ZDHHC18: variants seen among roughly 807,000 people sequenced by gnomAD.
The protein encoded by ZDHHC18 is zDHHC palmitoyltransferase 18, also known as palmitoyltransferase ZDHHC18.
ZDHHC18 carries 23 observed loss-of-function variants against 37.5 expected under a neutral mutation model. The observed-to-expected ratio is 0.61, with a 90% CI of 0.44 to 0.87. The LOEUF (loss-of-function observed/expected upper bound fraction) is 0.87. Ranked by LOEUF, ZDHHC18 falls within the 40% of genes least tolerant of loss-of-function variation. The pLI is 0.00. For missense variants in ZDHHC18, 406 were observed against 525.6 expected (o/e 0.77, Z 2.22); for synonymous variants, 185 against 218.7 (o/e 0.85, Z 1.36).
chr1:26,830,955 C>T (rs1186129037), intron 1 of ZDHHC18, among the ~76,000 whole-genome samples: 2 of 152,084 alleles, frequency 1.3e-5, no homozygotes, highest in African/African-American at 2.4e-5. Context: ...GCTAATTTTT[C>T]TGTTTTTATT....
At position 26,826,838 on chromosome 1, in the gene ZDHHC18, G is replaced by A; in HGVS notation, c.34G>A (p.Gly12Arg). 4 of 980,518 alleles carry A rather than the reference G, an allele frequency of 4.1e-6. No homozygotes were observed. The highest frequency in any genetic ancestry group is 4.8e-6 in the Non-Finnish European group (4 of 827,966). 60.7% of individuals were successfully genotyped at this position (980,518 alleles called of 1,614,324 possible). A position where few individuals can be genotyped will look rare whatever the true frequency, so the allele number is the denominator to read the frequency against. Residue 12 changes from glycine to arginine, a missense_variant, in exon 1 of 8, where the codon GGG becomes AGG. By Grantham distance (125) the Gly-to-Arg change is moderately radical. Coordinates refer to ENST00000374142, the MANE Select transcript of ZDHHC18 (RefSeq NM_032283.3). The surrounding 1 kb of genome is among the most constrained non-coding windows in gnomAD (Gnocchi z 5.2). ...KDCEYQQISPGAAPLPASPGA... is the reference protein window; with the variant it reads ...KDCEYQQISPRAAPLPASPGA... ...CTGCGAGTACCAGCAGATCAGCCCC[G>A]GGGCCGCCCCGCTGCCCGCCTCCCC...
At chr1:26,834,465 C>A (rs2081602407) in intron 2 of ZDHHC18, among the ~76,000 whole-genome samples, 1 of 152,176 alleles carries the variant, frequency 6.6e-6, no homozygotes, top group Admixed American at 6.5e-5. Context: ...AGGGACACAT[C>A]TCCTTCATCC....
At chr1:26,827,408 C>T (rs2081563535) in intron 1 of ZDHHC18, among the ~76,000 whole-genome samples, 1 of 151,840 alleles carries the variant, frequency 6.6e-6, no homozygotes, top group East Asian at 2.0e-4. Flanking sequence ...TCCCTGACCC[C>T]ACCCTGGCAC....
In ZDHHC18 at chr1:26,853,917, A is replaced by G; in HGVS notation, c.*74A>G. The stretch of plus-strand genomic sequence containing the variant: ...CACCTGCCGGGACCCTCCCTATTCC[A>G]TCCAAGGGAAGCAGAACTGCCAAAG... On this transcript the variant is annotated 3_prime_UTR_variant, in exon 8 of 8. Transcript: ENST00000374142. The G allele has an allele frequency of 7.6e-7, 1 of 1,309,248 alleles. No individual in the cohort carries two copies. 81.1% of individuals were successfully genotyped at this position (1,309,248 alleles called of 1,614,324 possible). A position where few individuals can be genotyped will look rare whatever the true frequency, so the allele number is the denominator to read the frequency against.
At chr1:26,842,887 G>T (rs1467593369) in intron 2 of ZDHHC18, among the ~76,000 whole-genome samples, 1 of 152,228 alleles carries the variant, frequency 6.6e-6, no homozygotes, top group Non-Finnish European at 1.5e-5. Flanking sequence ...ACATTATCTG[G>T]CAAACAATGC....
At chr1:26,846,116 A>C (rs2081662411) in intron 2 of ZDHHC18, among the ~76,000 whole-genome samples, 1 of 134,394 alleles carries the variant, frequency 7.4e-6, no homozygotes, top group South Asian at 2.3e-4. Flanking sequence ...GTGTGTGTAT[A>C]TATATATGTG....
chr1:26,836,560 T>C (rs200670711), intron 2 of ZDHHC18, among the ~76,000 whole-genome samples: 10,734 of 151,072 alleles, frequency 0.071, 405 homozygotes, highest in Non-Finnish European at 0.087. Flanking sequence ...ATTTCTTTTT[T>C]TTTCTTTTTT....
chr1:26,841,397 G>A (rs751607237), intron 2 of ZDHHC18, among the ~76,000 whole-genome samples: 17 of 152,236 alleles, frequency 1.1e-4, no homozygotes, highest in Non-Finnish European at 2.2e-4. Flanking sequence ...GCCTCCCAAC[G>A]TGCTGGGATT....
rs1454858820 is a variant in ZDHHC18, at chr1:26,853,760, A to G, written c.1084A>G (p.Thr362Ala). ...CCGGAGGGGATTTGTGCAGTCCGAC[A>G]CCGTGTTGCCCTCACCCATCAGAAG... ...IDRRGFVQSD[T>A]VLPSPIRSDE... The change falls in exon 8 of 8, where the codon ACC becomes GCC. Residue 362 changes from threonine to alanine, a missense_variant. Coordinates refer to ENST00000374142, the MANE Select transcript of ZDHHC18 (RefSeq NM_032283.3). 3 of 1,613,996 alleles carry G rather than the reference A, an allele frequency of 1.9e-6. No individual in the cohort carries two copies. Among genetic ancestry groups the G allele is most frequent in the Middle Eastern group, 3.3e-4 (2 of 6,062 alleles).
At chr1:26,846,383 G>A (rs1271913964) in intron 2 of ZDHHC18, among the ~76,000 whole-genome samples, 1 of 127,920 alleles carries the variant, frequency 7.8e-6, no homozygotes. Context: ...CTGGAGTGCA[G>A]TGGCCCAATC....
intron 3 of ZDHHC18, among the ~76,000 whole-genome samples, chr1:26,849,215 G>A (rs981843448): frequency 1.3e-5 from 2 of 152,230 alleles, no homozygotes; most frequent in African/African-American, 2.4e-5. Flanking sequence ...CAACAGAGGC[G>A]TTTAAGCTGA....
At chr1:26,829,848 C>A (rs2081579617) in intron 1 of ZDHHC18, among the ~76,000 whole-genome samples, 2 of 152,316 alleles carry the variant, frequency 1.3e-5, no homozygotes, top group Middle Eastern at 3.4e-3. Context: ...AGCTGTTAGC[C>A]TCTGGCAAAT....
intron 2 of ZDHHC18, among the ~76,000 whole-genome samples, chr1:26,839,644 G>C (rs533919590): frequency 2.6e-5 from 4 of 152,226 alleles, no homozygotes; most frequent in Non-Finnish European, 5.9e-5. Flanking sequence ...CCCTTGCCTA[G>C]CCCAGAGCAG....
chr1:26,831,519 A>T (rs935792927), intron 1 of ZDHHC18, among the ~76,000 whole-genome samples: 5 of 152,292 alleles, frequency 3.3e-5, no homozygotes, highest in African/African-American at 9.6e-5. Context: ...GTGGACAGTG[A>T]GGTGACAACA....
intron 3 of ZDHHC18, 118 bp downstream of exon 3, chr1:26,848,875 C>CA: frequency 7.1e-7 from 1 of 1,414,550 alleles, no homozygotes; most frequent in Admixed American, 2.1e-5. Context: ...CAGGGCTGGG[C>CA]AGGGGGTCTG....
rs892811137 is a variant in ZDHHC18, at chr1:26,850,111, G to A, written c.647-190G>A. ...GTTCCAGTTAACCAGGTAAAGAGAC[G>A]AGAGAATGTATCAGGCAGTGGGAAC... On this transcript the variant is annotated intron_variant, in intron 3 of 7. Transcript: ENST00000374142. This position sits in a 1 kb window ranked among gnomAD's most constrained non-coding sequence, Gnocchi z 6.1. Among the ~76,000 whole-genome samples, 4 of 152,194 alleles carry A rather than the reference G, an allele frequency of 2.6e-5. No homozygotes were observed. Among genetic ancestry groups the A allele is most frequent in the African/African-American group, 7.2e-5 (3 of 41,438 alleles).
rs567452547 is a variant in ZDHHC18, at chr1:26,854,295, T to C, written c.*452T>C. The C allele has an allele frequency of 1.0e-3, 158 of 155,836 alleles. No homozygotes were observed. Among genetic ancestry groups the C allele is most frequent in the Admixed American group, 2.6e-3 (41 of 15,512 alleles). 9.7% of individuals were successfully genotyped at this position (155,836 alleles called of 1,614,324 possible). A position where few individuals can be genotyped will look rare whatever the true frequency, so the allele number is the denominator to read the frequency against. ...GAGAGGAAGCCTCCATGGGCTGCTT[T>C]GGTCTGTGGGCTCCTTCATTCCCTT... is the stretch of plus-strand genomic sequence containing the variant. On this transcript the variant is annotated 3_prime_UTR_variant, in exon 8 of 8. Coordinates refer to ENST00000374142, the MANE Select transcript of ZDHHC18 (RefSeq NM_032283.3). This position sits in a 1 kb window ranked among gnomAD's most constrained non-coding sequence, Gnocchi z 4.6.
chr1:26,848,226 C>T (rs745539140), intron 2 of ZDHHC18, among the ~76,000 whole-genome samples: 1 of 151,922 alleles, frequency 6.6e-6, no homozygotes, highest in Non-Finnish European at 1.5e-5. Flanking sequence ...GCATGAGAAT[C>T]GCTTGAACCT....
At chr1:26,837,929 C>T (rs1340023054) in intron 2 of ZDHHC18, among the ~76,000 whole-genome samples, 1 of 152,132 alleles carries the variant, frequency 6.6e-6, no homozygotes, top group Admixed American at 6.6e-5. Flanking sequence ...GTGCTGTCCC[C>T]GCCTGCCGTG....
Sources: allele counts gnomAD v4.1 joint callset (sites outside exome capture counted in the v4.1 genomes callset), GRCh38; gene constraint gnomAD v4.1.1; non-coding constraint Gnocchi (gnomAD v3.1); transcripts MANE v1.5; gene names NCBI Gene and HGNC (gene_info 2026-07-23, HGNC 2026-07-21).